SCRIB: variants seen among roughly 807,000 people sequenced by gnomAD.
SCRIB encodes the protein protein scribble homolog.
A neutral mutation model predicts 170.0 loss-of-function variants in SCRIB; 72 were observed. The ratio of observed to expected loss-of-function variants is 0.42; its 90% CI spans 0.35 to 0.52. The LOEUF (loss-of-function observed/expected upper bound fraction) is 0.52, where lower values mean the gene tolerates loss of function less well. Among genes scored for constraint, SCRIB ranks in the 20% least tolerant of loss-of-function variants. SCRIB has a pLI of 0.02. For missense variants in SCRIB, 2,475 were observed against 2,338.5 expected (o/e 1.06, Z -1.20); for synonymous variants, 1,298 against 1,044.3 (o/e 1.24, Z -4.68).
At chr8:143,808,473 G>C in intron 15 of SCRIB, 136 bp downstream of exon 15, 1 of 1,061,982 alleles carries the variant, frequency 9.4e-7, no homozygotes, top group South Asian at 2.2e-5. Flanking sequence ...GCCGACTGTG[G>C]AGCACACGTG....
At chr8:143,799,840 C>G (rs1281639157) in intron 24 of SCRIB, among the ~76,000 whole-genome samples, 1 of 151,822 alleles carries the variant, frequency 6.6e-6, no homozygotes, top group South Asian at 2.1e-4. Flanking sequence ...CAGACAAACA[C>G]GGGCCACTGC....
rs574184893 is a variant in SCRIB at position 143,804,535 on chromosome 8, G to A, written c.3009+33C>T. 19 of 1,485,412 alleles carry A rather than the reference G, an allele frequency of 1.3e-5. No individual in the cohort carries two copies. The South Asian group carries it at 2.3e-4, about 18-fold the overall frequency. 92.0% of individuals were successfully genotyped at this position (1,485,412 alleles called of 1,614,324 possible). ...AAGGCCAGTGCCCACAGCTGAAGCT[G>A]GGTGGGTGCCTGGGTGGGGGCTTGT... On this transcript the variant is annotated intron_variant, in intron 21 of 36. Transcript: ENST00000356994.
chr8:143,793,116 G>GGCAGCTGTCGGGGCT, intron 28 of SCRIB, 33 bp from the exon 29 acceptor site: 3 of 1,257,262 alleles, frequency 2.4e-6, no homozygotes, highest in Middle Eastern at 5.5e-4. Context: ...GCTATGCTGG[G>GGCAGCTGTCGGGGCT]GCAGCTGTCG....
At chr8:143,807,129 A>G in intron 16 of SCRIB, 116 bp from the exon 17 acceptor site, 1 of 741,996 alleles carries the variant, frequency 1.3e-6, no homozygotes, top group Non-Finnish European at 2.3e-6. Flanking sequence ...AGGCAGCTGA[A>G]TGGGGCCTCA....
At chr8:143,807,710 G>A in intron 15 of SCRIB, 96 bp from the exon 16 acceptor site, 2 of 991,842 alleles carry the variant, frequency 2.0e-6, no homozygotes, top group Non-Finnish European at 3.2e-6. Context: ...AAAGGACAGA[G>A]GAGACCACAG....
At chr8:143,804,481 C>G in intron 21 of SCRIB, 87 bp downstream of exon 21, 1 of 1,371,658 alleles carries the variant, frequency 7.3e-7, no homozygotes, top group Non-Finnish European at 9.6e-7. Flanking sequence ...TGGAGTGGGC[C>G]GCAAGGCCAT....
At chr8:143,793,418 G>A (rs4875054) in intron 28 of SCRIB, 110,027 of 259,970 alleles carry the variant, frequency 0.42, 32,107 homozygotes, top group East Asian at 0.98. Context: ...GGGGTAGAGA[G>A]GGGGGTGGGA....
Position 143,801,380 on chromosome 8 carries a change from G to GTTGT in SCRIB, c.3603+1999_3603+2002dup, listed in dbSNP as rs1348816576. On this transcript the variant is annotated intron_variant, in intron 24 of 36. Coordinates refer to ENST00000356994, the MANE Select transcript of SCRIB (RefSeq NM_182706.5). ...TTCCAGGTGGACCATGGAGCTATGT[G>GTTGT]TTGTTTAAACTTCCAGAAATACTAG... 4.6e-5 allele frequency among the ~76,000 whole-genome samples: 7 copies of GTTGT among 152,204 alleles called. No homozygotes were observed. The South Asian group carries it at 1.0e-3, about 23-fold the overall frequency.
Position 143,811,086 on chromosome 8 carries a change from G to A in SCRIB, c.1107-14C>T, listed in dbSNP as rs201147919. ...AGACTCTGCAGGCTGCGGGCCGGGCGGGCACAGTCAGCAGGCGTTGGGGCC... is the reference window on the plus strand; with the variant it reads ...AGACTCTGCAGGCTGCGGGCCGGGCAGGCACAGTCAGCAGGCGTTGGGGCC... On this transcript the variant is annotated splice_polypyrimidine_tract_variant and intron_variant, in intron 10 of 36. Transcript: ENST00000356994. 3.8e-4 allele frequency: 608 copies of A among 1,608,960 alleles called. No individual in the cohort carries two copies. The highest frequency in any genetic ancestry group is 4.9e-4 in the Non-Finnish European group (583 of 1,178,138).
intron 21 of SCRIB, 107 bp from the exon 22 acceptor site, chr8:143,804,263 T>C: frequency 1.2e-6 from 1 of 816,042 alleles, no homozygotes; most frequent in Non-Finnish European, 1.9e-6. Flanking sequence ...GGGCGGGGGC[T>C]GCCCTAATGC....
intron 28 of SCRIB, 58 bp downstream of exon 28, chr8:143,793,842 G>T: frequency 6.4e-7 from 1 of 1,552,224 alleles, no homozygotes; most frequent in Non-Finnish European, 8.9e-7. Flanking sequence ...GTGCACAGCG[G>T]CCATCTGCCC....
rs527400220 is a variant in SCRIB at position 143,811,154 on chromosome 8, C to T, written c.1098G>A (p.Ala366=). The T allele has an allele frequency of 1.7e-5, 28 of 1,603,622 alleles. No homozygotes were observed. The highest frequency in any genetic ancestry group is 6.8e-5 in the East Asian group (3 of 44,374). ...GCAAGGCTGGCACTCACCGGTTCCC[C>T]GCCACGTCCAGCACGTGCAGCTCTG... ...HTTELHVLDV[A]GNRLQSLPFA... Residue 366 remains alanine, a synonymous_variant, in exon 10 of 37, where the codon GCG becomes GCA. Transcript: ENST00000356994.
chr8:143,810,575 G>A lies in SCRIB; in HGVS notation c.1434C>T (p.Pro478=), dbSNP rs764373387. 15 of 1,613,592 alleles carry A rather than the reference G, an allele frequency of 9.3e-6. No homozygotes were observed. Among genetic ancestry groups the A allele is most frequent in the African/African-American group, 1.3e-5 (1 of 74,916 alleles). ...TCCTCTTCATCACCTTGAGCTCGCT[G>A]GGGTGAGGTGTGGCCCGGCGCTGTA... is the stretch of plus-strand genomic sequence containing the variant. The part of the protein sequence containing the change: ...RGLQRRATPH[P]SELKVMKRSI... The change falls in exon 13 of 37, where the codon CCC becomes CCT. Residue 478 remains proline (P), a synonymous_variant. Transcript: ENST00000356994.
At chr8:143,793,798 G>T in intron 28 of SCRIB, 102 bp downstream of exon 28, 1 of 1,190,068 alleles carries the variant, frequency 8.4e-7, no homozygotes, top group Non-Finnish European at 1.2e-6. Flanking sequence ...CCCCACGATG[G>T]CCCCTGACCC....
At chr8:143,811,788 A>AC (rs1024436503) in intron 9 of SCRIB, among the ~76,000 whole-genome samples, 7 of 151,026 alleles carry the variant, frequency 4.6e-5, no homozygotes, top group East Asian at 2.0e-4. Flanking sequence ...CCAGTGAGGA[A>AC]CCCCCCCGGA....
In SCRIB at chr8:143,806,982, C is replaced by G; in HGVS notation, c.2210G>C (p.Gly737Ala). 11 of 1,612,988 alleles carry G rather than the reference C, an allele frequency of 6.8e-6. No homozygotes were observed. The highest frequency in any genetic ancestry group is 8.5e-6 in the Non-Finnish European group (10 of 1,179,444). The stretch of plus-strand genomic sequence containing the variant: ...GCCGCCCGCAATGCTGATGCCCAGG[C>G]CCCCAGTCTGCCGCAGGATAGTGAG... ...LTLTILRQTG[G>A]LGISIAGGKG... Residue 737 changes from glycine to alanine, a missense_variant, in exon 17 of 37, where the codon GGC becomes GCC. Gly to Ala is a moderately conservative substitution (Grantham distance 60, BLOSUM62 0). Coordinates refer to ENST00000356994, the MANE Select transcript of SCRIB (RefSeq NM_182706.5).
chr8:143,791,476 GC>G, intron 35 of SCRIB, 36 bp from the exon 36 acceptor site: 2 of 1,604,662 alleles, frequency 1.2e-6, no homozygotes, highest in South Asian at 2.2e-5. Context: ...GCCGGTGCCA[GC>G]CCTGCCCCAA....
Position 143,810,977 on chromosome 8 carries a change from T to C in SCRIB, c.1202A>G (p.Glu401Gly). 1 of 1,611,764 alleles carries C rather than the reference T, an allele frequency of 6.2e-7. No homozygotes were observed. The change falls in exon 11 of 37, where the codon GAG (glutamate) becomes GGG (glycine). Residue 401 changes from glutamate to glycine, a missense_variant. Physicochemically the swap from Glu to Gly is moderately conservative, Grantham distance 98. This residue lies in a region of SCRIB where 487 missense variants were observed against 558.1 expected (regional missense o/e 0.87). Coordinates refer to ENST00000356994, the MANE Select transcript of SCRIB (RefSeq NM_182706.5). ...CTTCTCGCCGGTCCGGGCATCATCC[T>C]CCGTCTGGAACCGGAGCATGGGCTG... is the stretch of plus-strand genomic sequence containing the variant. ...QAQPMLRFQT[E>G]DDARTGEKVL...
At position 143,791,282 on chromosome 8, in the gene SCRIB, C is replaced by G; in HGVS notation, c.4849G>C (p.Ala1617Pro). The G allele has an allele frequency of 6.5e-7, 1 of 1,547,798 alleles. No individual in the cohort carries two copies. Among genetic ancestry groups the G allele is most frequent in the Non-Finnish European group, 8.7e-7 (1 of 1,146,118 alleles). ...GAGGGCCTGCCCAGAAGCACCAGAG[C>G]CACTTCTCCATCCTCCTCCTGCGGG... ...PGPQEEDGEVALVLLGRPSPG... is the reference protein window; with the variant it reads ...PGPQEEDGEVPLVLLGRPSPG... Residue 1617 changes from alanine (A) to proline (P), a missense_variant, in exon 37 of 37, where the codon GCT becomes CCT. Physicochemically the swap from Ala to Pro is conservative, Grantham distance 27. This residue lies in a region of SCRIB where 1,966 missense variants were observed against 1,742.9 expected (regional missense o/e 1.13). Transcript: ENST00000356994.
Sources: gnomAD v4.1 joint callset for allele counts (sites outside exome capture counted in the v4.1 genomes callset) on GRCh38, gnomAD v4.1.1 for gene constraint, gnomAD v4.1.1 regional missense constraint, MANE v1.5 for transcripts, NCBI Gene and HGNC (gene_info 2026-07-23, HGNC 2026-07-21) for gene names.